Variants in STRN observed in about 807,000 individuals in gnomAD.
STRN encodes protein phosphatase 2 regulatory subunit B'''alpha.
A neutral mutation model predicts 96.3 loss-of-function variants in STRN; 53 were observed. The ratio of observed to expected loss-of-function variants is 0.55; its 90% confidence interval spans 0.44 to 0.69. STRN has a LOEUF of 0.69. STRN is among the 30% of genes least tolerant of loss of function. The pLI, the probability that STRN is intolerant of heterozygous loss-of-function variation, is 0.00. For missense variants in STRN, 987 were observed against 963.9 expected, an observed-to-expected ratio of 1.02 and a Z score of -0.32; for synonymous variants, 428 against 355.9, an observed-to-expected ratio of 1.20 and a Z score of -2.28.
At position 36,840,356 on chromosome 2, in the gene STRN, C is replaced by A. The variant is rs2372812; in HGVS notation, c.*9100G>T. 2.0e-5 allele frequency: 3 copies of A among 152,006 alleles called. No individual in the cohort carries two copies. Among genetic ancestry groups the A allele is most frequent in the African/African-American group, 4.8e-5 (2 of 41,278 alleles). 9.4% of individuals were successfully genotyped at this position (152,006 alleles called of 1,614,324 possible). On this transcript the variant is annotated 3_prime_UTR_variant, in exon 18 of 18. Transcript: ENST00000263918. The stretch of plus-strand genomic sequence containing the variant: ...TTTAGGGACACCTTCCTGTCCCCAC[C>A]ATGCTCTGCTCAGTTTTCACGCAGG...
intron 5 of STRN, among the ~76,000 whole-genome samples, chr2:36,900,552 G>A (rs1362156556): frequency 6.6e-6 from 1 of 152,118 alleles, no homozygotes; most frequent in Non-Finnish European, 1.5e-5. Flanking sequence ...AGAAATAGTT[G>A]AATTTTCAAA....
At chr2:36,850,917 C>T (rs1175774310) in intron 16 of STRN, 83 bp downstream of exon 16, 18 of 1,111,006 alleles carry the variant, frequency 1.6e-5, no homozygotes, top group Non-Finnish European at 1.2e-5. Flanking sequence ...ACGAAACCAC[C>T]AAGAGACACC....
chr2:36,925,018 T>C lies in STRN; in HGVS notation c.338+87A>G, dbSNP rs370792296. The stretch of plus-strand genomic sequence containing the variant: ...TCGCGGTGAGCCAAGATCGTACCAT[T>C]GCACCCCAGCCTGGGCAACAAGAAC... On this transcript the variant is annotated intron_variant, in intron 2 of 17. Transcript: ENST00000263918. The C allele has an allele frequency of 9.9e-6, 12 of 1,214,100 alleles. No individual in the cohort carries two copies. In the East Asian group the frequency reaches 2.4e-4, roughly 24 times the overall value. The allele number at this position is 1,214,100 out of a possible 1,614,324, so 75.2% of individuals were successfully genotyped here.
rs755472751 is a variant in STRN at position 36,849,414 on chromosome 2, G to A, written c.*42C>T. 1.2e-6 allele frequency: 2 copies of A among 1,604,506 alleles called. No individual in the cohort carries two copies. Among genetic ancestry groups the A allele is most frequent in the South Asian group, 2.2e-5 (2 of 90,138 alleles). On this transcript the variant is annotated 3_prime_UTR_variant, in exon 18 of 18. Transcript: ENST00000263918. ...TCTTCTGTATCTCTTGTGTGCAGTT[G>A]ATTACTTATAAACAGCTAGAAGGTG...
At chr2:36,965,270 T>C (rs971453087) in intron 1 of STRN, among the ~76,000 whole-genome samples, 3 of 152,268 alleles carry the variant, frequency 2.0e-5, no homozygotes, top group Non-Finnish European at 4.4e-5. Context: ...CATAGTTCTT[T>C]AAGTTCCTTT....
Position 36,934,113 on chromosome 2 carries a change from G to GA in STRN, c.235-8906dup, listed in dbSNP as rs201389010. Among the ~76,000 whole-genome samples, 1,277 of 151,292 alleles carry GA rather than the reference G, an allele frequency of 8.4e-3. 7 individuals carry two copies. Among genetic ancestry groups the GA allele is most frequent in the Non-Finnish European group, 0.013 (893 of 67,730 alleles). ...GACAGAGGGAGACTCCGTCTCGAAA[G>GA]AAAAAAGAAAAAAAACTAAATCTAT... On this transcript the variant is annotated intron_variant, in intron 1 of 17. Coordinates refer to ENST00000263918, the MANE Select transcript of STRN (RefSeq NM_003162.4).
chr2:36,867,919 C>T, intron 11 of STRN, 58 bp from the exon 12 acceptor site: 1 of 1,325,052 alleles, frequency 7.5e-7, no homozygotes, highest in Non-Finnish European at 1.0e-6. Context: ...TATAATTAAA[C>T]ATATGTCATA....
Position 36,916,126 on chromosome 2 carries a change from C to A in STRN, c.364G>T (p.Gly122Trp). The A allele has an allele frequency of 6.2e-7, 1 of 1,613,538 alleles. No homozygotes were observed. Among genetic ancestry groups the A allele is most frequent in the Non-Finnish European group, 8.5e-7 (1 of 1,179,770 alleles). Residue 122 changes from glycine (G) to tryptophan (W), a missense_variant, in exon 3 of 18, where the codon GGG becomes TGG. By Grantham distance (184) the Gly-to-Trp change is radical. Transcript: ENST00000263918. ...ERAKYHKLKY[G>W]TELNQGDMKP... is the part of the protein sequence containing the mutation. ...ATATCTCCCTGATTCAATTCTGTCC[C>A]GTATTTCAACTTGTGGTATTTGGCT...
intron 14 of STRN, among the ~76,000 whole-genome samples, chr2:36,856,558 C>T (rs1668345938): frequency 6.6e-6 from 1 of 152,144 alleles, no homozygotes; most frequent in Non-Finnish European, 1.5e-5. Flanking sequence ...ATTCCATTTA[C>T]ATGACGTTTG....
At chr2:36,954,145 T>C (rs1393775994) in intron 1 of STRN, among the ~76,000 whole-genome samples, 1 of 152,154 alleles carries the variant, frequency 6.6e-6, no homozygotes. Flanking sequence ...ATTTGATATG[T>C]GATCAATAAA....
chr2:36,905,639 A>AG, intron 3 of STRN, 21 bp from the exon 4 acceptor site: 1 of 1,606,264 alleles, frequency 6.2e-7, no homozygotes. Flanking sequence ...TTAAGTCATA[A>AG]TAAAACTGAC....
At chr2:36,896,291 A>G (rs1396536920) in intron 6 of STRN, among the ~76,000 whole-genome samples, 1 of 152,252 alleles carries the variant, frequency 6.6e-6, no homozygotes, top group Non-Finnish European at 1.5e-5. Flanking sequence ...AACCTTACAA[A>G]GAATAAAGAT....
chr2:36,948,709 A>C (rs974695053), intron 1 of STRN, among the ~76,000 whole-genome samples: 3 of 152,198 alleles, frequency 2.0e-5, no homozygotes, highest in African/African-American at 4.8e-5. Context: ...GATTTATAAG[A>C]AGCAAGTAAA....
intron 10 of STRN, among the ~76,000 whole-genome samples, chr2:36,877,108 C>T (rs548466123): frequency 2.0e-5 from 3 of 152,146 alleles, no homozygotes; most frequent in Non-Finnish European, 2.9e-5. Flanking sequence ...CCCAAAGGTA[C>T]AAAGATTTCA....
At chr2:36,884,784 T>C (rs967227264) in intron 8 of STRN, among the ~76,000 whole-genome samples, 2 of 152,084 alleles carry the variant, frequency 1.3e-5, no homozygotes, top group African/African-American at 2.4e-5. Context: ...CTAGACCACA[T>C]TGAAAAGACT....
At chr2:36,932,660 T>C (rs368058858) in intron 1 of STRN, among the ~76,000 whole-genome samples, 2 of 152,284 alleles carry the variant, frequency 1.3e-5, no homozygotes, top group East Asian at 3.9e-4. Flanking sequence ...AGGAGTACAG[T>C]GGCATGATCA....
At chr2:36,909,346 A>G (rs954537279) in intron 3 of STRN, among the ~76,000 whole-genome samples, 1 of 152,170 alleles carries the variant, frequency 6.6e-6, no homozygotes, top group African/African-American at 2.4e-5. Context: ...TTTAATATAG[A>G]TAATAGTTGA....
In STRN at chr2:36,845,107, T is replaced by A. The variant is rs1668035380; in HGVS notation, c.*4349A>T. 6.6e-6 allele frequency: 1 copy of A among 152,146 alleles called. No homozygotes were observed. The highest frequency in any genetic ancestry group is 1.5e-5 in the Non-Finnish European group (1 of 68,010). 9.4% of individuals were successfully genotyped at this position (152,146 alleles called of 1,614,324 possible). ...TAGTCACTTTCAAAGAATAAAGTAA[T>A]CTAAATAAAATTATACTTAGCACTC... On this transcript the variant is annotated 3_prime_UTR_variant, in exon 18 of 18. Transcript: ENST00000263918.
chr2:36,927,274 G>A (rs1057045406), intron 1 of STRN, among the ~76,000 whole-genome samples: 14 of 152,034 alleles, frequency 9.2e-5, no homozygotes, highest in African/African-American at 3.1e-4. Context: ...TTGGGAGGCC[G>A]AGGCGGGTGG....
Sources: gnomAD v4.1 joint callset for allele counts (sites outside exome capture counted in the v4.1 genomes callset) on GRCh38, gnomAD v4.1.1 for gene constraint, MANE v1.5 for transcripts, NCBI Gene and HGNC (gene_info 2026-07-23, HGNC 2026-07-21) for gene names.